ANO3: variants seen among roughly 807,000 people sequenced by gnomAD.
The protein encoded by ANO3 is anoctamin 3.
A neutral mutation model predicts 144.8 loss-of-function variants in ANO3; 99 were observed. The ratio of observed to expected loss-of-function variants is 0.68; its 90% CI spans 0.58 to 0.81. The LOEUF is 0.81. ANO3 is among the 30% of genes least tolerant of loss of function. The probability of loss-of-function intolerance (pLI) is 0.00; values close to 1 mark genes in which losing one functional copy is unlikely to be tolerated. For missense variants in ANO3, 905 were observed against 1,202.2 expected, an observed-to-expected ratio of 0.75 and a Z score of 3.66; for synonymous variants, 414 against 392.6, an observed-to-expected ratio of 1.05 and a Z score of -0.64.
chr11:26,411,133 T>C (rs866798910), intron 1 of ANO3, among the ~76,000 whole-genome samples: 1 of 152,028 alleles, frequency 6.6e-6, no homozygotes, highest in Non-Finnish European at 1.5e-5. Flanking sequence ...TAGCTGAGGA[T>C]TGAAATCTTT....
chr11:26,462,198 C>A (rs989342930), intron 3 of ANO3, among the ~76,000 whole-genome samples: 1 of 151,850 alleles, frequency 6.6e-6, no homozygotes, highest in African/African-American at 2.4e-5. Flanking sequence ...TCAAAATTCA[C>A]GTTTAGTAGA....
At chr11:26,561,762 C>A (rs1305960253) in intron 14 of ANO3, among the ~76,000 whole-genome samples, 4 of 151,798 alleles carry the variant, frequency 2.6e-5, no homozygotes. Flanking sequence ...TTGAGGTTTT[C>A]TGATTGTTGA....
chr11:26,243,709 G>A (rs1335676842), intron 1 of ANO3, among the ~76,000 whole-genome samples: 1 of 152,150 alleles, frequency 6.6e-6, no homozygotes, highest in Non-Finnish European at 1.5e-5. Flanking sequence ...AGATGTTATG[G>A]AGGAATAGAT....
chr11:26,540,220 T>C (rs1236786148), intron 10 of ANO3, among the ~76,000 whole-genome samples: 1 of 152,144 alleles, frequency 6.6e-6, no homozygotes, highest in Non-Finnish European at 1.5e-5. Context: ...TTAAAGATAC[T>C]ACCATGTTAA....
At chr11:26,564,732 C>CATATATATATATAT (rs66510170) in intron 14 of ANO3, among the ~76,000 whole-genome samples, 2 of 25,414 alleles carry the variant, frequency 7.9e-5, no homozygotes, top group Non-Finnish European at 1.4e-4. Context: ...CACACACACA[C>CATATATATATATAT]ATATATATAT....
At chr11:26,350,467 T>A (rs192944475) in intron 1 of ANO3, among the ~76,000 whole-genome samples, 235 of 152,332 alleles carry the variant, frequency 1.5e-3, no homozygotes, top group Admixed American at 3.1e-3. Flanking sequence ...AACTTTGAAA[T>A]TGTTTCTTTT....
chr11:26,655,830 T>C (rs1376458862), intron 24 of ANO3, among the ~76,000 whole-genome samples: 2 of 152,186 alleles, frequency 1.3e-5, no homozygotes, highest in African/African-American at 4.8e-5. Context: ...TTATAGAGTT[T>C]TAATGCATAG....
At chr11:26,488,150 G>A (rs1397721430) in intron 4 of ANO3, among the ~76,000 whole-genome samples, 3 of 152,152 alleles carry the variant, frequency 2.0e-5, no homozygotes, top group African/African-American at 7.2e-5. Context: ...TGACAACAGA[G>A]TGAGGCTCCA....
At chr11:26,492,165 T>G (rs889766242) in intron 4 of ANO3, among the ~76,000 whole-genome samples, 1 of 152,242 alleles carries the variant, frequency 6.6e-6, no homozygotes, top group Non-Finnish European at 1.5e-5. Context: ...AATTAGATTC[T>G]CTTTGAAGCA....
chr11:26,629,425 C>A (rs1411587788), intron 18 of ANO3, among the ~76,000 whole-genome samples: 2 of 152,024 alleles, frequency 1.3e-5, no homozygotes, highest in African/African-American at 4.8e-5. Flanking sequence ...TATCTACTTT[C>A]TTTACAAGAC....
intron 9 of ANO3, among the ~76,000 whole-genome samples, chr11:26,535,113 A>G (rs1260010291): frequency 1.3e-5 from 2 of 152,352 alleles, no homozygotes; most frequent in African/African-American, 4.8e-5. Flanking sequence ...ACTCCAAAAG[A>G]TATCCACAAA....
chr11:26,563,391 C>CTGTGTGTGTG (rs1324484561), intron 14 of ANO3: 7 of 840,840 alleles, frequency 8.3e-6, no homozygotes, highest in East Asian at 5.7e-5. Context: ...GTGTGTTTCT[C>CTGTGTGTGTG]TCTCTGTGTG....
chr11:26,513,839 G>C (rs1353753849), intron 5 of ANO3, among the ~76,000 whole-genome samples: 4 of 152,036 alleles, frequency 2.6e-5, no homozygotes, highest in South Asian at 2.1e-4. Context: ...GATATAGATT[G>C]GTTTTTGTTT....
intron 1 of ANO3, among the ~76,000 whole-genome samples, chr11:26,370,623 G>C (rs1439593979): frequency 6.6e-6 from 1 of 152,216 alleles, no homozygotes; most frequent in Non-Finnish European, 1.5e-5. Flanking sequence ...AGGACAGGAA[G>C]ATGTGGGAAC....
intron 18 of ANO3, among the ~76,000 whole-genome samples, chr11:26,625,807 A>G (rs1409300542): frequency 6.6e-6 from 1 of 151,916 alleles, no homozygotes; most frequent in East Asian, 1.9e-4. Flanking sequence ...TTTCATAAAC[A>G]CTCTGGGAAT....
intron 4 of ANO3, among the ~76,000 whole-genome samples, chr11:26,495,487 T>G (rs1034009013): frequency 8.5e-5 from 13 of 152,154 alleles, no homozygotes; most frequent in Admixed American, 6.5e-5. Flanking sequence ...ATGAATATTT[T>G]ATGATATGTT....
At chr11:26,440,957 G>A (rs1305901909) in intron 1 of ANO3, among the ~76,000 whole-genome samples, 1 of 151,984 alleles carries the variant, frequency 6.6e-6, no homozygotes, top group African/African-American at 2.4e-5. Context: ...ATTCTTTCCT[G>A]GTTCACACAG....
chr11:26,376,415 G>A (rs1856408894), intron 1 of ANO3, among the ~76,000 whole-genome samples: 1 of 152,004 alleles, frequency 6.6e-6, no homozygotes, highest in Non-Finnish European at 1.5e-5. Flanking sequence ...ATATATCTCT[G>A]TTCTTTCCAT....
intron 10 of ANO3, among the ~76,000 whole-genome samples, chr11:26,538,739 G>A (rs1342711106): frequency 3.9e-5 from 6 of 152,096 alleles, no homozygotes; most frequent in African/African-American, 2.4e-5. Flanking sequence ...ACATGTGCTT[G>A]TAATTTGGAT....
Sources: allele counts gnomAD v4.1 joint callset (sites outside exome capture counted in the v4.1 genomes callset), GRCh38; gene constraint gnomAD v4.1.1; transcripts MANE v1.5; gene names NCBI Gene and HGNC (gene_info 2026-07-23, HGNC 2026-07-21).